Variants in JMJD1C observed in about 807,000 individuals in gnomAD.
JMJD1C encodes jumonji domain-containing protein 1C.
JMJD1C carries 31 observed loss-of-function variants against 245.3 expected under a neutral mutation model. The observed-to-expected ratio is 0.13, with a 90% CI of 0.09 to 0.17. The LOEUF is 0.17. JMJD1C is among the 10% of genes least tolerant of loss of function. JMJD1C has a pLI of 1.00. For missense variants in JMJD1C, 2,691 were observed against 3,000.2 expected (o/e 0.90, Z 2.41); for synonymous variants, 1,057 against 1,017.4 (o/e 1.04, Z -0.74).
intron 2 of JMJD1C, among the ~76,000 whole-genome samples, chr10:63,316,391 TG>T (rs1355668392): frequency 2.6e-5 from 4 of 152,214 alleles, no homozygotes; most frequent in African/African-American, 7.2e-5. Flanking sequence ...GCTTCTTACG[TG>T]TTTTTTGGTT....
chr10:63,420,898 T>C (rs1007673438), intron 1 of JMJD1C, among the ~76,000 whole-genome samples: 23 of 149,836 alleles, frequency 1.5e-4, no homozygotes, highest in African/African-American at 4.5e-4. Context: ...AAAACAAACA[T>C]TGTATAATGG....
At chr10:63,424,966 T>TC (rs1428146466) in intron 1 of JMJD1C, among the ~76,000 whole-genome samples, 2 of 152,080 alleles carry the variant, frequency 1.3e-5, no homozygotes, top group Non-Finnish European at 2.9e-5. Context: ...ATTCAACCCT[T>TC]CAGCTTTTAA....
At chr10:63,242,645 G>T (rs1851628102) in intron 3 of JMJD1C, among the ~76,000 whole-genome samples, 1 of 152,198 alleles carries the variant, frequency 6.6e-6, no homozygotes, top group African/African-American at 2.4e-5. Flanking sequence ...AGAATCACTT[G>T]AACCCAGGAC....
At chr10:63,381,392 A>G (rs561586037) in intron 1 of JMJD1C, among the ~76,000 whole-genome samples, 2 of 152,244 alleles carry the variant, frequency 1.3e-5, no homozygotes, top group African/African-American at 2.4e-5. Flanking sequence ...ACATGCCTTT[A>G]GTCCCAGCTA....
chr10:63,412,393 G>A (rs1404474491), intron 1 of JMJD1C, among the ~76,000 whole-genome samples: 2 of 152,178 alleles, frequency 1.3e-5, no homozygotes, highest in African/African-American at 2.4e-5. Flanking sequence ...TTGCGAGATT[G>A]CACTAAACAA....
intron 2 of JMJD1C, among the ~76,000 whole-genome samples, chr10:63,365,114 C>T (rs890640234): frequency 5.9e-5 from 9 of 152,208 alleles, no homozygotes; most frequent in East Asian, 1.9e-4. Context: ...TCTCATACAA[C>T]GCCTTCCAAC....
intron 3 of JMJD1C, among the ~76,000 whole-genome samples, chr10:63,236,262 A>C (rs1049314293): frequency 2.6e-5 from 4 of 152,214 alleles, no homozygotes; most frequent in Admixed American, 1.3e-4. Flanking sequence ...CCCTTGAATA[A>C]ACTTGATCCA....
intron 3 of JMJD1C, among the ~76,000 whole-genome samples, chr10:63,256,434 C>T (rs1435668065): frequency 1.3e-5 from 2 of 152,064 alleles, no homozygotes; most frequent in African/African-American, 4.8e-5. Flanking sequence ...AGCAAAATTA[C>T]TGAATATTAA....
At chr10:63,430,528 A>G (rs960630679) in intron 1 of JMJD1C, among the ~76,000 whole-genome samples, 1 of 152,220 alleles carries the variant, frequency 6.6e-6, no homozygotes, top group African/African-American at 2.4e-5. Context: ...TGGAATGTTC[A>G]CAACAGACAT....
intron 2 of JMJD1C, among the ~76,000 whole-genome samples, chr10:63,326,107 T>C (rs1941463749): frequency 6.6e-6 from 1 of 152,264 alleles, no homozygotes; most frequent in African/African-American, 2.4e-5. Flanking sequence ...ATGAGCAACA[T>C]GAATAGGTGA....
chr10:63,183,635 T>TCCC, intron 21 of JMJD1C, 66 bp from the exon 22 acceptor site: 1 of 943,324 alleles, frequency 1.1e-6, no homozygotes, highest in South Asian at 2.2e-5. Context: ...AATCAGATAT[T>TCCC]CCCCCAAATT....
At chr10:63,401,710 T>C (rs893120813) in intron 1 of JMJD1C, among the ~76,000 whole-genome samples, 1 of 152,162 alleles carries the variant, frequency 6.6e-6, no homozygotes, top group Non-Finnish European at 1.5e-5. Context: ...ATATTCTGAA[T>C]GTTTGTGTCC....
chr10:63,431,620 ATGACT>A (rs1394410288), intron 1 of JMJD1C, among the ~76,000 whole-genome samples: 1 of 152,218 alleles, frequency 6.6e-6, no homozygotes, highest in African/African-American at 2.4e-5. Flanking sequence ...AATATTTGAG[ATGACT>A]TGGGGTGAGT....
chr10:63,262,262 G>T (rs12766208), intron 3 of JMJD1C, among the ~76,000 whole-genome samples: 1 of 151,936 alleles, frequency 6.6e-6, no homozygotes, highest in Non-Finnish European at 1.5e-5. Flanking sequence ...ATCTGGTATA[G>T]AGCCATTGTA....
chr10:63,389,331 A>G lies in JMJD1C; in HGVS notation c.169-8849T>C, dbSNP rs1411336534. Among the ~76,000 whole-genome samples the G allele has an allele frequency of 1.8e-4, 27 of 150,074 alleles. 1 individual carries two copies. Among genetic ancestry groups the G allele is most frequent in the African/African-American group, 2.4e-4 (10 of 40,942 alleles). On this transcript the variant is annotated intron_variant, in intron 1 of 25. Transcript: ENST00000399262. Reference sequence around the variant, plus strand: ...TGTCTCAAAAAAAAAAAAAAAAAGAAAAAGAAAAAAGATCTAAATGGAGAG... The same window carrying G: ...TGTCTCAAAAAAAAAAAAAAAAAGAGAAAGAAAAAAGATCTAAATGGAGAG...
rs746673777 is a variant in JMJD1C, at chr10:63,207,825, G to A, written c.3844C>T (p.Leu1282Phe). 1 of 1,614,098 alleles carries A rather than the reference G, an allele frequency of 6.2e-7. No homozygotes were observed. The highest frequency in any genetic ancestry group is 2.2e-5 in the East Asian group (1 of 44,884). The change falls in exon 10 of 26, where the codon CTC (leucine) becomes TTC (phenylalanine). Residue 1282 changes from leucine (L) to phenylalanine (F), a missense_variant. Physicochemically the swap from Leu to Phe is conservative, Grantham distance 22 (BLOSUM62 0). Around this residue, in one of 9 missense-constraint regions of JMJD1C, gnomAD observed 1,562 missense variants for 1,490.7 expected, o/e 1.05. Coordinates refer to ENST00000399262, the MANE Select transcript of JMJD1C (RefSeq NM_032776.3). ...LTEMWRPNNN[L>F]SKEKTEWHVE... ...TGCCATTCAGTTTTCTCTTTGCTGAGGTTATTATTAGGTCTCCACATCTCC... is the reference window on the plus strand; with the variant it reads ...TGCCATTCAGTTTTCTCTTTGCTGAAGTTATTATTAGGTCTCCACATCTCC...
intron 1 of JMJD1C, among the ~76,000 whole-genome samples, chr10:63,477,433 C>T (rs1213287195): frequency 1.3e-5 from 2 of 151,128 alleles, no homozygotes; most frequent in African/African-American, 4.9e-5. Flanking sequence ...TAAGAGAGTC[C>T]AGAAATAGAC....
intron 1 of JMJD1C, among the ~76,000 whole-genome samples, chr10:63,410,180 TATA>T (rs1257122424): frequency 1.3e-5 from 2 of 152,124 alleles, no homozygotes; most frequent in Non-Finnish European, 2.9e-5. Context: ...TGTAACCATT[TATA>T]AATGACCCCA....
intron 3 of JMJD1C, among the ~76,000 whole-genome samples, chr10:63,264,000 AC>A (rs1855194720): frequency 6.7e-6 from 1 of 148,796 alleles, no homozygotes; most frequent in African/African-American, 2.5e-5. Flanking sequence ...ACACACACAC[AC>A]ACACACAATT....
Sources: gnomAD v4.1 joint callset for allele counts (sites outside exome capture counted in the v4.1 genomes callset) on GRCh38, gnomAD v4.1.1 for gene constraint, gnomAD v4.1.1 regional missense constraint, MANE v1.5 for transcripts, NCBI Gene and HGNC (gene_info 2026-07-23, HGNC 2026-07-21) for gene names.